Variants in LRRC4C observed in about 807,000 individuals in gnomAD.
LRRC4C encodes the protein leucine rich repeat containing 4C, also known as leucine-rich repeat-containing protein 4C.
In LRRC4C, 5 loss-of-function variants were observed where a neutral mutation model predicts 33.6. That is an observed-to-expected ratio of 0.15 (90% CI 0.08 to 0.31). The LOEUF (loss-of-function observed/expected upper bound fraction) is 0.31, where lower values mean the gene tolerates loss of function less well. Ranked by LOEUF, LRRC4C falls within the 10% of genes least tolerant of loss-of-function variation. The pLI is 1.00. For missense variants in LRRC4C, 560 were observed against 796.7 expected, an observed-to-expected ratio of 0.70 and a Z score of 3.58; for synonymous variants, 329 against 302.0, an observed-to-expected ratio of 1.09 and a Z score of -0.93.
At chr11:41,150,512 C>T (rs919386183) in intron 1 of LRRC4C, among the ~76,000 whole-genome samples, 2 of 152,068 alleles carry the variant, frequency 1.3e-5, no homozygotes, top group African/African-American at 4.8e-5. Context: ...TATGATTTTG[C>T]CAGGCGCGGT....
At chr11:41,220,797 G>C (rs1254334580) in intron 1 of LRRC4C, among the ~76,000 whole-genome samples, 1 of 151,998 alleles carries the variant, frequency 6.6e-6, no homozygotes. Context: ...TCATATATTG[G>C]TTTATTTATT....
chr11:40,539,059 C>G (rs1956596792), intron 3 of LRRC4C, among the ~76,000 whole-genome samples: 1 of 152,060 alleles, frequency 6.6e-6, no homozygotes, highest in Non-Finnish European at 1.5e-5. Context: ...AGTCCCTCCA[C>G]AAATATTTCA....
In LRRC4C at chr11:41,406,748, A is replaced by ACACACACG. The variant is rs936627444; in HGVS notation, c.-496+52682_-496+52683insCGTGTGTG. Among the ~76,000 whole-genome samples the ACACACACG allele has an allele frequency of 7.0e-3, 1,021 of 145,420 alleles. 12 individuals are homozygous for ACACACACG. The highest frequency in any genetic ancestry group is 0.026 in the African/African-American group (979 of 38,074). ...CACACACACACACACACACACACAC[A>ACACACACG]CACGCACCCTTAATAAAAGAAAGTA... On this transcript the variant is annotated intron_variant, in intron 1 of 6. Transcript: ENST00000528697.
At chr11:40,295,907 A>T (rs907178979) in intron 4 of LRRC4C, among the ~76,000 whole-genome samples, 67 of 152,224 alleles carry the variant, frequency 4.4e-4, no homozygotes, top group African/African-American at 1.5e-3. Flanking sequence ...ATTATAGTTT[A>T]TCCACTAATA....
At chr11:40,744,036 T>G (rs1948294493) in intron 2 of LRRC4C, among the ~76,000 whole-genome samples, 1 of 152,100 alleles carries the variant, frequency 6.6e-6, no homozygotes, top group Non-Finnish European at 1.5e-5. Context: ...ATTTACCTGT[T>G]TAATTATTTA....
At chr11:41,001,413 A>T (rs1409649459) in intron 1 of LRRC4C, among the ~76,000 whole-genome samples, 1 of 152,144 alleles carries the variant, frequency 6.6e-6, no homozygotes, top group Non-Finnish European at 1.5e-5. Flanking sequence ...AGTCTACATA[A>T]ATAAACATCT....
At chr11:41,390,160 G>C (rs1452445620) in intron 1 of LRRC4C, among the ~76,000 whole-genome samples, 1 of 151,874 alleles carries the variant, frequency 6.6e-6, no homozygotes, top group Non-Finnish European at 1.5e-5. Flanking sequence ...TAGAATAAAT[G>C]TTCTGGTGGG....
At chr11:41,108,942 T>C (rs765003015) in intron 1 of LRRC4C, among the ~76,000 whole-genome samples, 11 of 152,134 alleles carry the variant, frequency 7.2e-5, no homozygotes, top group Non-Finnish European at 1.2e-4. Context: ...ATTCCCACAG[T>C]TGCAAATTCA....
At chr11:40,343,628 AT>A (rs1388108381) in intron 3 of LRRC4C, among the ~76,000 whole-genome samples, 1 of 150,946 alleles carries the variant, frequency 6.6e-6, no homozygotes, top group African/African-American at 2.4e-5. Context: ...ATTGTTTTTA[AT>A]ATGGAGTGAT....
At chr11:40,603,818 A>T (rs1052970773) in intron 3 of LRRC4C, among the ~76,000 whole-genome samples, 2 of 152,214 alleles carry the variant, frequency 1.3e-5, no homozygotes, top group African/African-American at 4.8e-5. Flanking sequence ...TGAAAGGCTG[A>T]AGTGGAGAGA....
chr11:41,366,060 T>A (rs1293367874), intron 1 of LRRC4C, among the ~76,000 whole-genome samples: 1 of 152,164 alleles, frequency 6.6e-6, no homozygotes, highest in Non-Finnish European at 1.5e-5. Context: ...TAAACCTTTT[T>A]TTTTCTGCCT....
chr11:40,719,353 A>T (rs560314057), intron 2 of LRRC4C, among the ~76,000 whole-genome samples: 1 of 152,354 alleles, frequency 6.6e-6, no homozygotes, highest in South Asian at 2.1e-4. Flanking sequence ...ATTGTTCACT[A>T]CCAGATAATA....
chr11:40,943,727 G>A (rs566898674), intron 1 of LRRC4C, among the ~76,000 whole-genome samples: 10 of 152,264 alleles, frequency 6.6e-5, no homozygotes, highest in Non-Finnish European at 1.3e-4. Flanking sequence ...GAGAGTCTTT[G>A]AAGTGTTTGC....
chr11:41,109,461 A>T (rs993966635), intron 1 of LRRC4C, among the ~76,000 whole-genome samples: 2 of 152,114 alleles, frequency 1.3e-5, no homozygotes, highest in East Asian at 3.9e-4. Context: ...TCAGAAACAA[A>T]GCCAGATATA....
intron 1 of LRRC4C, among the ~76,000 whole-genome samples, chr11:41,406,764 A>AATT (rs1954257306): frequency 6.6e-6 from 1 of 150,780 alleles, no homozygotes; most frequent in Non-Finnish European, 1.5e-5. Context: ...ACCCTTAATA[A>AATT]AAGAAAGTAA....
intron 1 of LRRC4C, among the ~76,000 whole-genome samples, chr11:41,226,741 TACACACACACACACACACACAC>T (rs59285418): frequency 7.3e-6 from 1 of 137,082 alleles, no homozygotes; most frequent in Non-Finnish European, 1.6e-5. Flanking sequence ...TCCTTACCAT[TACACACACACACACACACACAC>T]ACACACACAC....
chr11:40,433,385 A>C (rs1451389827), intron 3 of LRRC4C, among the ~76,000 whole-genome samples: 1 of 147,272 alleles, frequency 6.8e-6, no homozygotes, highest in Non-Finnish European at 1.5e-5. Flanking sequence ...ATTTTAACTC[A>C]TGAGTTACTG....
In LRRC4C at chr11:40,618,265, C is replaced by G. The variant is rs953508675; in HGVS notation, c.-270+29877G>C. 1.9e-4 allele frequency among the ~76,000 whole-genome samples: 23 copies of G among 117,976 alleles called. 1 individual carries two copies. Among genetic ancestry groups the G allele is most frequent in the Admixed American group, 1.2e-3 (13 of 11,010 alleles). The allele number at this position is 117,976 out of a possible 152,430, so 77.4% of individuals were successfully genotyped here. Reference sequence around the variant, plus strand: ...AGAGGAGAGGACACACAACAGCACCCAGGAAAGACAGCCATATGATGATGG... The same window carrying G: ...AGAGGAGAGGACACACAACAGCACCGAGGAAAGACAGCCATATGATGATGG... On this transcript the variant is annotated intron_variant, in intron 3 of 6. Coordinates refer to ENST00000528697, the MANE Select transcript of LRRC4C (RefSeq NM_001258419.2).
chr11:41,355,716 G>A (rs1326998056), intron 1 of LRRC4C, among the ~76,000 whole-genome samples: 6 of 151,906 alleles, frequency 3.9e-5, no homozygotes. Context: ...ATTTAATTGA[G>A]CTATGTACAG....
Sources: gnomAD v4.1 joint callset for allele counts (sites outside exome capture counted in the v4.1 genomes callset) on GRCh38, gnomAD v4.1.1 for gene constraint, MANE v1.5 for transcripts, NCBI Gene and HGNC (gene_info 2026-07-23, HGNC 2026-07-21) for gene names.